Variants in PDE1C observed in about 807,000 individuals in gnomAD.
PDE1C encodes the protein dual specificity calcium/calmodulin-dependent 3',5'-cyclic nucleotide phosphodiesterase 1C.
Under a neutral mutation model 93.1 loss-of-function variants are expected in PDE1C, and 62 were observed. That is an observed-to-expected ratio of 0.67 (90% CI 0.54 to 0.82). The LOEUF (loss-of-function observed/expected upper bound fraction) is 0.82. Ranked by LOEUF, PDE1C falls within the 40% of genes least tolerant of loss-of-function variation. The pLI, the probability that PDE1C is intolerant of heterozygous loss-of-function variation, is 0.00. For missense variants in PDE1C, 742 were observed against 884.6 expected (o/e 0.84, Z 2.04); for synonymous variants, 325 against 310.1 (o/e 1.05, Z -0.50).
the PDE1C span, among the ~76,000 whole-genome samples, chr7:31,696,633 C>T: frequency 4.9e-3 from 740 of 152,290 alleles, 8 homozygotes; most frequent in African/African-American, 0.016. Flanking sequence ...TTGGGCTCAA[C>T]TGCTCTGTGA....
In PDE1C at chr7:32,328,380, T is replaced by G. The variant is rs148553091; in HGVS notation, c.310+99442A>C. Among the ~76,000 whole-genome samples, 8 of 152,224 alleles carry G rather than the reference T, an allele frequency of 5.3e-5. No homozygotes were observed. The East Asian group carries it at 1.5e-3, about 29-fold the overall frequency. ...CAAACACAAGTAAGAGTACACTATT[T>G]CCCTTCTTAAAACATTGTGATGGCT... is the stretch of plus-strand genomic sequence containing the variant. On this transcript the variant is annotated intron_variant, in intron 1 of 1. Coordinates refer to the PDE1C transcript ENST00000672256.
chr7:31,692,860 G>A, the PDE1C span, among the ~76,000 whole-genome samples: 6 of 152,280 alleles, frequency 3.9e-5, no homozygotes, highest in Admixed American at 3.9e-4. Context: ...CTTGTTTCCA[G>A]TATTTCCTGA....
At chr7:31,811,168 C>T (rs909980025) in intron 15 of PDE1C, among the ~76,000 whole-genome samples, 9 of 152,054 alleles carry the variant, frequency 5.9e-5, no homozygotes, top group Non-Finnish European at 1.3e-4. Flanking sequence ...ATAAGTCTCA[C>T]GAGGTCTGGT....
At chr7:31,678,027 T>C in the PDE1C span, among the ~76,000 whole-genome samples, 2 of 152,088 alleles carry the variant, frequency 1.3e-5, no homozygotes, top group African/African-American at 4.8e-5. Context: ...GCCCCACCTA[T>C]AATGGCAAAG....
At chr7:31,766,893 CTTTA>C (rs1795180502) in intron 17 of PDE1C, among the ~76,000 whole-genome samples, 1 of 152,122 alleles carries the variant, frequency 6.6e-6, no homozygotes, top group Admixed American at 6.5e-5. Context: ...AAATAACTAG[CTTTA>C]TATTTTGCAT....
Position 32,109,696 on chromosome 7 carries a change from C to G in PDE1C, c.308+60089G>C, listed in dbSNP as rs1017682396. Reference sequence around the variant, plus strand: ...AGGGCACGCAGCAGAGATTTTGATTCTCACTATTCAACAAAGTCTTCACCA... The same window carrying G: ...AGGGCACGCAGCAGAGATTTTGATTGTCACTATTCAACAAAGTCTTCACCA... On this transcript the variant is annotated intron_variant, in intron 3 of 18. Coordinates refer to the PDE1C transcript ENST00000396193. Among the ~76,000 whole-genome samples, 3 of 152,162 alleles carry G rather than the reference C, an allele frequency of 2.0e-5. No homozygotes were observed. In the East Asian group the frequency reaches 5.8e-4, roughly 29 times the overall value.
At chr7:31,909,350 T>C (rs555666174) in intron 2 of PDE1C, among the ~76,000 whole-genome samples, 1 of 152,296 alleles carries the variant, frequency 6.6e-6, no homozygotes, top group East Asian at 1.9e-4. Context: ...TTAGTCATCT[T>C]TACATACTTA....
At chr7:31,668,564 G>A in the PDE1C span, among the ~76,000 whole-genome samples, 18 of 151,966 alleles carry the variant, frequency 1.2e-4, no homozygotes, top group African/African-American at 2.2e-4. Flanking sequence ...CTGAGTAAAC[G>A]AAACCAGCCA....
At chr7:31,866,939 C>T (rs1795368916) in intron 6 of PDE1C, among the ~76,000 whole-genome samples, 1 of 152,196 alleles carries the variant, frequency 6.6e-6, no homozygotes, top group South Asian at 2.1e-4. Flanking sequence ...GAAGACATTG[C>T]TCCATACAGG....
the PDE1C span, among the ~76,000 whole-genome samples, chr7:31,733,097 T>C: frequency 6.6e-6 from 1 of 152,216 alleles, no homozygotes; most frequent in African/African-American, 2.4e-5. Context: ...GGTTTTCCCC[T>C]AAAGGGCACA....
intron 1 of PDE1C, among the ~76,000 whole-genome samples, chr7:32,343,270 A>G (rs2128080718): frequency 6.6e-6 from 1 of 152,328 alleles, no homozygotes; most frequent in Non-Finnish European, 1.5e-5. Flanking sequence ...AAATTTTGAC[A>G]AAGTAGGACA....
At chr7:32,163,794 T>C (rs550275059) in intron 3 of PDE1C, among the ~76,000 whole-genome samples, 3 of 152,226 alleles carry the variant, frequency 2.0e-5, no homozygotes, top group East Asian at 1.9e-4. Context: ...AAAGCATCCA[T>C]AGGGCTCATA....
At chr7:31,939,515 T>C (rs1424928391) in intron 2 of PDE1C, among the ~76,000 whole-genome samples, 1 of 152,090 alleles carries the variant, frequency 6.6e-6, no homozygotes, top group Admixed American at 6.6e-5. Flanking sequence ...AAGCATCTTA[T>C]GAGACAAATA....
chr7:32,101,436 GT>G (rs1322842018), intron 3 of PDE1C, among the ~76,000 whole-genome samples: 1 of 152,204 alleles, frequency 6.6e-6, no homozygotes, highest in Non-Finnish European at 1.5e-5. Flanking sequence ...AATGTTGGAA[GT>G]GGGTCTGGTG....
intron 2 of PDE1C, among the ~76,000 whole-genome samples, chr7:31,930,848 CAAAAAA>C (rs56394903): frequency 9.2e-5 from 3 of 32,636 alleles, no homozygotes; most frequent in African/African-American, 5.1e-4. Context: ...GACTCTGTCT[CAAAAAA>C]AAAAAAAAAA....
chr7:31,771,017 A>G (rs1177150556), intron 17 of PDE1C, among the ~76,000 whole-genome samples: 1 of 152,156 alleles, frequency 6.6e-6, no homozygotes, highest in Non-Finnish European at 1.5e-5. Flanking sequence ...TCAGATTTTG[A>G]ACCACTTCTT....
chr7:32,357,557 T>C (rs367999604), intron 1 of PDE1C, among the ~76,000 whole-genome samples: 2 of 152,222 alleles, frequency 1.3e-5, no homozygotes, highest in East Asian at 3.9e-4. Context: ...GAGAAAGGCT[T>C]AGAAAGTGGG....
the PDE1C span, among the ~76,000 whole-genome samples, chr7:31,627,395 T>C: frequency 2.0e-5 from 3 of 152,166 alleles, no homozygotes; most frequent in Non-Finnish European, 4.4e-5. Context: ...TGGTGGCTCA[T>C]GCCTATAATC....
intron 1 of PDE1C, among the ~76,000 whole-genome samples, chr7:32,244,450 AT>A (rs1315593896): frequency 1.3e-5 from 2 of 152,210 alleles, no homozygotes; most frequent in African/African-American, 4.8e-5. Context: ...CTGAAGCAGC[AT>A]TTTAAGAAGA....
Sources: gnomAD v4.1 joint callset for allele counts (sites outside exome capture counted in the v4.1 genomes callset) on GRCh38, gnomAD v4.1.1 for gene constraint, MANE v1.5 for transcripts, NCBI Gene and HGNC (gene_info 2026-07-23, HGNC 2026-07-21) for gene names.